MAPKAPK5: variants seen among roughly 807,000 people sequenced by gnomAD.
MAPKAPK5 encodes the protein MAP kinase-activated protein kinase 5.
MAPKAPK5 carries 30 observed loss-of-function variants against 65.1 expected under a neutral mutation model. The observed-to-expected ratio is 0.46, with a 90% CI of 0.34 to 0.63. The LOEUF is 0.63. MAPKAPK5 is among the 20% of genes least tolerant of loss of function. The pLI, the probability that MAPKAPK5 is intolerant of heterozygous loss-of-function variation, is 0.01. For synonymous variants in MAPKAPK5, 179 were observed against 204.6 expected, an observed-to-expected ratio of 0.87 and a Z score of 1.07; for missense variants, 433 against 581.4, an observed-to-expected ratio of 0.74 and a Z score of 2.63.
Position 111,865,285 on chromosome 12 carries a change from G to A in MAPKAPK5, c.72G>A (p.Trp24Ter). The A allele has an allele frequency of 6.3e-7, 1 of 1,592,414 alleles. No homozygotes were observed. The highest frequency in any genetic ancestry group is 8.6e-7 in the Non-Finnish European group (1 of 1,168,426). ...TSILEEYSIN[W>*]TQKLGAGISG... ...TTTTAGAAGAATACAGTATCAATTG[G>A]ACTCAGAAGCTGGGAGCTGGAATTA... The change falls in exon 2 of 14, where the codon TGG becomes TGA. Residue 24 changes from tryptophan to a stop codon, truncating the protein, a stop_gained. Transcript: ENST00000550735. LOFTEE classifies it high-confidence loss of function.
chr12:111,882,801 A>T, intron 8 of MAPKAPK5: 1 of 985,446 alleles, frequency 1.0e-6, no homozygotes, highest in South Asian at 4.7e-5. Flanking sequence ...CCTCTCCATG[A>T]TCTGTGTCAA....
intron 1 of MAPKAPK5, among the ~76,000 whole-genome samples, chr12:111,860,928 G>A (rs2136095110): frequency 6.6e-6 from 1 of 151,880 alleles, no homozygotes; most frequent in South Asian, 2.1e-4. Context: ...TGAGGCCGAG[G>A]CAGGCAGATC....
chr12:111,882,004 C>T (rs1047861299), intron 8 of MAPKAPK5, among the ~76,000 whole-genome samples: 1 of 152,188 alleles, frequency 6.6e-6, no homozygotes, highest in African/African-American at 2.4e-5. Flanking sequence ...TTGAAGGTCC[C>T]TTTCCACCCC....
chr12:111,880,900 T>C (rs2070182056), intron 8 of MAPKAPK5, among the ~76,000 whole-genome samples: 1 of 152,192 alleles, frequency 6.6e-6, no homozygotes, highest in Non-Finnish European at 1.5e-5. Flanking sequence ...GCTTGTGTTT[T>C]TGAGGTGGAG....
intron 7 of MAPKAPK5, among the ~76,000 whole-genome samples, chr12:111,876,369 GA>G (rs1012922988): frequency 2.6e-5 from 4 of 151,840 alleles, no homozygotes; most frequent in African/African-American, 7.3e-5. Flanking sequence ...CCTGGGTGAT[GA>G]AATAATCTGT....
chr12:111,882,146 C>T (rs1318855258), intron 8 of MAPKAPK5, among the ~76,000 whole-genome samples: 10 of 152,146 alleles, frequency 6.6e-5, no homozygotes, highest in East Asian at 5.8e-4. Flanking sequence ...TTTGGGAGGC[C>T]GAGGTGGGCG....
rs931299140 is a variant in MAPKAPK5 at position 111,842,592 on chromosome 12, C to T, written c.-142C>T. 1 of 478,248 alleles carries T rather than the reference C, an allele frequency of 2.1e-6. No homozygotes were observed. The highest frequency in any genetic ancestry group is 2.0e-5 in the African/African-American group (1 of 49,632). 29.6% of individuals were successfully genotyped at this position (478,248 alleles called of 1,614,324 possible). A position where few individuals can be genotyped will look rare whatever the true frequency, so the allele number is the denominator to read the frequency against. On this transcript the variant is annotated 5_prime_UTR_variant, in exon 1 of 14. Transcript: ENST00000550735. ...CAGAGCCGGCGCCGGGGTCCTCATC[C>T]CCACCGGTCCCGAGGGGCGGCTGCT...
At position 111,882,839 on chromosome 12, in the gene MAPKAPK5, T is replaced by C. The variant is rs570882314; in HGVS notation, c.661-742T>C. 6.9e-4 allele frequency: 675 copies of C among 985,334 alleles called. 1 individual carries two copies. The highest frequency in any genetic ancestry group is 7.9e-4 in the Non-Finnish European group (654 of 829,968). 61.0% of individuals were successfully genotyped at this position (985,334 alleles called of 1,614,324 possible). On this transcript the variant is annotated intron_variant, in intron 8 of 13. Transcript: ENST00000550735. ...TGCTTTGGGCCTTTATGAAGTGGCC[T>C]GTGCTGTACTGTAGGTGAGCCTACC...
chr12:111,888,248 T>C, intron 10 of MAPKAPK5: 1 of 419,460 alleles, frequency 2.4e-6, no homozygotes, highest in Non-Finnish European at 4.3e-6. Context: ...CTCGCATTTC[T>C]GTCCCCCCAC....
In MAPKAPK5 at chr12:111,871,079, T is replaced by C; in HGVS notation, c.484-6T>C. 1 of 1,610,690 alleles carries C rather than the reference T, an allele frequency of 6.2e-7. No homozygotes were observed. The highest frequency in any genetic ancestry group is 8.5e-7 in the Non-Finnish European group (1 of 1,178,322). ...GAGCAGTGACTCCTTTTTTTTTTAA[T>C]TTCAGGATGCCCCAGTGAAGTTGTG... On this transcript the variant is annotated splice_polypyrimidine_tract_variant and splice_region_variant and intron_variant, in intron 6 of 13. Transcript: ENST00000550735.
At chr12:111,878,756 C>T (rs1054716507) in intron 7 of MAPKAPK5, among the ~76,000 whole-genome samples, 1 of 152,048 alleles carries the variant, frequency 6.6e-6, no homozygotes, top group Non-Finnish European at 1.5e-5. Flanking sequence ...TCAGAAGCAA[C>T]CGTTCATGAA....
At chr12:111,846,736 A>G (rs1272616012) in intron 1 of MAPKAPK5, among the ~76,000 whole-genome samples, 1 of 151,670 alleles carries the variant, frequency 6.6e-6, no homozygotes, top group Non-Finnish European at 1.5e-5. Flanking sequence ...TGACCTCATG[A>G]TCCACCCTCC....
At chr12:111,870,221 A>T in intron 5 of MAPKAPK5, 50 bp from the exon 6 acceptor site, 1 of 1,376,074 alleles carries the variant, frequency 7.3e-7, no homozygotes, top group Non-Finnish European at 1.0e-6. Flanking sequence ...CAGGTGTATT[A>T]AAGAGTGGTC....
chr12:111,886,185 C>A, intron 10 of MAPKAPK5, 149 bp downstream of exon 10: 2 of 1,218,762 alleles, frequency 1.6e-6, no homozygotes, highest in Non-Finnish European at 2.3e-6. Flanking sequence ...AGTCAGGATC[C>A]AAAATAAGGA....
rs1381158111 is a variant in MAPKAPK5, at chr12:111,894,759, CGTGT to C, written c.*1699_*1702del. The C allele has an allele frequency of 2.4e-5, 3 of 127,124 alleles. No individual in the cohort carries two copies. The highest frequency in any genetic ancestry group is 1.2e-4 in the African/African-American group (3 of 24,562). The allele number at this position is 127,124 out of a possible 1,614,324, so 7.9% of individuals were successfully genotyped here. ...TGGGTTTCCATAACAAACCAATTTT[CGTGT>C]ATATGTGTGTGTGTGTGTGTGTGTG... On this transcript the variant is annotated 3_prime_UTR_variant, in exon 14 of 14. Coordinates refer to ENST00000550735, the MANE Select transcript of MAPKAPK5 (RefSeq NM_003668.4).
At chr12:111,892,836 T>C in intron 13 of MAPKAPK5, 131 bp from the exon 14 acceptor site, 1 of 549,380 alleles carries the variant, frequency 1.8e-6, no homozygotes, top group Non-Finnish European at 3.2e-6. Context: ...TTTTGATCAG[T>C]GGTGGGGGTG....
intron 1 of MAPKAPK5, among the ~76,000 whole-genome samples, chr12:111,845,265 C>CT (rs1307719346): frequency 1.3e-5 from 2 of 152,128 alleles, no homozygotes; most frequent in African/African-American, 4.8e-5. Flanking sequence ...GCTGGGACTA[C>CT]AGGCGCACAC....
At chr12:111,884,067 G>C (rs900294667) in intron 9 of MAPKAPK5, among the ~76,000 whole-genome samples, 1 of 152,122 alleles carries the variant, frequency 6.6e-6, no homozygotes, top group African/African-American at 2.4e-5. Flanking sequence ...CTGGTGTGCT[G>C]TCCTTCTTAC....
rs2070797795 is a variant in MAPKAPK5, at chr12:111,895,986, G to A, written c.*2925G>A. ...TCTTACAGATCACTTCTTACAGTTA[G>A]GAATACTGCACTTGTTTGTGTAATA... On this transcript the variant is annotated 3_prime_UTR_variant, in exon 14 of 14. Transcript: ENST00000550735. The A allele has an allele frequency of 6.6e-6, 1 of 152,068 alleles. No homozygotes were observed. The highest frequency in any genetic ancestry group is 2.1e-4 in the South Asian group (1 of 4,824). The allele number at this position is 152,068 out of a possible 1,614,324, so 9.4% of individuals were successfully genotyped here.
Sources: gnomAD v4.1 joint callset for allele counts (sites outside exome capture counted in the v4.1 genomes callset) on GRCh38, gnomAD v4.1.1 for gene constraint, MANE v1.5 for transcripts, NCBI Gene and HGNC (gene_info 2026-07-23, HGNC 2026-07-21) for gene names.